SFMBT2: variants seen among roughly 807,000 people sequenced by gnomAD.
The protein encoded by SFMBT2 is Scm like with four mbt domains 2, also known as scm-like with four MBT domains protein 2.
In SFMBT2, 38 loss-of-function variants were observed where a neutral mutation model predicts 110.1. That is an observed-to-expected ratio of 0.35 (90% confidence interval 0.27 to 0.45). SFMBT2 has a LOEUF of 0.45. Ranked by LOEUF, SFMBT2 falls within the 20% of genes least tolerant of loss-of-function variation. The pLI is 1.00. For missense variants in SFMBT2, 1,011 were observed against 1,094.9 expected (o/e 0.92, Z 1.08); for synonymous variants, 425 against 425.4 (o/e 1.00, Z 0.01).
chr10:7,343,744 C>A (rs981262492), intron 4 of SFMBT2, among the ~76,000 whole-genome samples: 1 of 152,176 alleles, frequency 6.6e-6, no homozygotes, highest in Non-Finnish European at 1.5e-5. Flanking sequence ...CCTTTCTACA[C>A]AAGAAAACCA....
At position 7,317,641 on chromosome 10, in the gene SFMBT2, C is replaced by CAAAAAAA. The variant is rs56181512; in HGVS notation, c.437-31694_437-31688dup. Among the ~76,000 whole-genome samples, 464 of 92,478 alleles carry CAAAAAAA rather than the reference C, an allele frequency of 5.0e-3. 20 individuals are homozygous for CAAAAAAA. The highest frequency in any genetic ancestry group is 0.012 in the South Asian group (30 of 2,526). The allele number at this position is 92,478 out of a possible 152,430, so 60.7% of individuals were successfully genotyped here. On this transcript the variant is annotated intron_variant, in intron 4 of 20. Coordinates refer to ENST00000397167, the MANE Select transcript of SFMBT2 (RefSeq NM_001387889.1). ...GGGCAACAAGAACAAAACTCCGTCT[C>CAAAAAAA]AAAAAAAAAAAAAAAAAGTACACAT...
intron 4 of SFMBT2, among the ~76,000 whole-genome samples, chr10:7,355,308 A>G (rs951104099): frequency 2.6e-5 from 4 of 152,084 alleles, no homozygotes; most frequent in African/African-American, 4.8e-5. Flanking sequence ...TTAAAATATT[A>G]AAATAAAATT....
chr10:7,363,506 G>A (rs1006494174), intron 4 of SFMBT2, among the ~76,000 whole-genome samples: 4 of 151,994 alleles, frequency 2.6e-5, no homozygotes, highest in Admixed American at 2.0e-4. Context: ...GCGCCACCAC[G>A]CCCAGCTAAT....
chr10:7,290,093 T>C (rs1390209508), intron 4 of SFMBT2, among the ~76,000 whole-genome samples: 1 of 152,116 alleles, frequency 6.6e-6, no homozygotes, highest in Non-Finnish European at 1.5e-5. Context: ...ACTCAAAACC[T>C]GCCCTGCGCC....
intron 4 of SFMBT2, among the ~76,000 whole-genome samples, chr10:7,317,206 G>A (rs1237328874): frequency 6.6e-6 from 1 of 152,000 alleles, no homozygotes; most frequent in Non-Finnish European, 1.5e-5. Context: ...CCATGGGCAG[G>A]ACCCATGTGG....
At chr10:7,262,662 C>T (rs1478404821) in intron 7 of SFMBT2, among the ~76,000 whole-genome samples, 5 of 152,208 alleles carry the variant, frequency 3.3e-5, no homozygotes, top group Non-Finnish European at 7.3e-5. Flanking sequence ...TGCTATCTAA[C>T]GGACTGCAGA....
intron 1 of SFMBT2, among the ~76,000 whole-genome samples, chr10:7,384,911 G>A (rs115273337): frequency 5.3e-5 from 8 of 152,226 alleles, no homozygotes; most frequent in East Asian, 1.9e-4. Context: ...ACCTAACACC[G>A]AACTGACCTG....
At position 7,241,591 on chromosome 10, in the gene SFMBT2, A is replaced by G. The variant is rs10905131; in HGVS notation, c.1120+1967T>C. The stretch of plus-strand genomic sequence containing the variant: ...ATGATCATAACTAAATATTATGTAT[A>G]AAAAGCTTAAAATATAAAAATATTT... On this transcript the variant is annotated intron_variant, in intron 9 of 20. Coordinates refer to ENST00000397167, the MANE Select transcript of SFMBT2 (RefSeq NM_001387889.1). Among the ~76,000 whole-genome samples the G allele has an allele frequency of 7.5e-3, 1,140 of 152,304 alleles. 15 individuals carry two copies. Among genetic ancestry groups the G allele is most frequent in the African/African-American group, 0.026 (1,082 of 41,570 alleles).
intron 1 of SFMBT2, among the ~76,000 whole-genome samples, chr10:7,399,011 A>G (rs1845999265): frequency 6.6e-6 from 1 of 152,234 alleles, no homozygotes; most frequent in Non-Finnish European, 1.5e-5. Flanking sequence ...ACGCACAGCA[A>G]TGATGCTTGA....
chr10:7,171,170 T>C lies in SFMBT2; in HGVS notation c.2416-114A>G. Reference sequence around the variant, plus strand: ...GCCGGAAGCCACTGCCTCCCTTTGCTCCCTCACTGGGCACCTGAAAAAGCT... The same window carrying C: ...GCCGGAAGCCACTGCCTCCCTTTGCCCCCTCACTGGGCACCTGAAAAAGCT... On this transcript the variant is annotated intron_variant, in intron 19 of 20. Coordinates refer to ENST00000397167, the MANE Select transcript of SFMBT2 (RefSeq NM_001387889.1). The surrounding 1 kb of genome is among the most constrained non-coding windows in gnomAD (Gnocchi z 4.9). The C allele has an allele frequency of 6.5e-7, 1 of 1,544,698 alleles. No individual in the cohort carries two copies. The highest frequency in any genetic ancestry group is 8.8e-7 in the Non-Finnish European group (1 of 1,135,364).
intron 4 of SFMBT2, 84 bp from the exon 5 acceptor site, chr10:7,286,038 A>G: frequency 1.4e-6 from 1 of 731,640 alleles, no homozygotes; most frequent in South Asian, 1.6e-5. Flanking sequence ...TCAACTTAAA[A>G]TCACAGCAGT....
intron 14 of SFMBT2, chr10:7,198,273 T>C (rs984622217): frequency 1.0e-5 from 4 of 380,958 alleles, no homozygotes; most frequent in Admixed American, 6.4e-5. Context: ...CTCTATTGAA[T>C]TAATGTAGCA....
At chr10:7,205,950 C>T (rs1277083398) in intron 11 of SFMBT2, 22 bp from the exon 12 acceptor site, 9 of 1,613,042 alleles carry the variant, frequency 5.6e-6, no homozygotes, top group Admixed American at 1.7e-5. Flanking sequence ...GAAGTTGAAA[C>T]AAGAGGTACA....
At chr10:7,245,880 A>T (rs1840590872) in intron 8 of SFMBT2, among the ~76,000 whole-genome samples, 1 of 152,234 alleles carries the variant, frequency 6.6e-6, no homozygotes. Context: ...AAAAGGCCCA[A>T]GGTGGAAAAA....
intron 9 of SFMBT2, among the ~76,000 whole-genome samples, chr10:7,231,314 G>A (rs529946751): frequency 6.6e-6 from 1 of 152,292 alleles, no homozygotes; most frequent in South Asian, 2.1e-4. Context: ...TTAATTTCAA[G>A]AGTGAAGAAA....
At chr10:7,203,850 G>T (rs959089600) in intron 12 of SFMBT2, 7 of 158,488 alleles carry the variant, frequency 4.4e-5, no homozygotes, top group Non-Finnish European at 9.5e-5. Context: ...CGAGTAGCTG[G>T]AATGACAGGC....
At chr10:7,254,171 T>C (rs1840915553) in intron 7 of SFMBT2, among the ~76,000 whole-genome samples, 1 of 152,194 alleles carries the variant, frequency 6.6e-6, no homozygotes, top group Admixed American at 6.5e-5. Flanking sequence ...AAGGCTTCCA[T>C]AAATATTTAT....
At chr10:7,382,054 T>G (rs150365659) in intron 1 of SFMBT2, 105 bp from the exon 2 acceptor site, 76 of 543,318 alleles carry the variant, frequency 1.4e-4, no homozygotes, top group African/African-American at 1.3e-3. Flanking sequence ...GCCACTACCA[T>G]TTCATTATAA....
At chr10:7,285,306 T>C (rs1842054013) in intron 5 of SFMBT2, 1 of 152,282 alleles carries the variant, frequency 6.6e-6, no homozygotes, top group Non-Finnish European at 1.5e-5. Flanking sequence ...GATTAAACTA[T>C]GTTTTCTTCA....
Sources: allele counts gnomAD v4.1 joint callset (sites outside exome capture counted in the v4.1 genomes callset), GRCh38; gene constraint gnomAD v4.1.1; non-coding constraint Gnocchi (gnomAD v3.1); transcripts MANE v1.5; gene names NCBI Gene and HGNC (gene_info 2026-07-23, HGNC 2026-07-21).